Variants in PPP1R21 observed in about 807,000 individuals in gnomAD.
PPP1R21 encodes the protein protein phosphatase 1 regulatory subunit 21.
A neutral mutation model predicts 112.8 loss-of-function variants in PPP1R21; 85 were observed. That is an observed-to-expected ratio of 0.75 (90% CI 0.63 to 0.90). PPP1R21 has a LOEUF of 0.90. PPP1R21 is among the 40% of genes least tolerant of loss of function. The pLI, the probability that PPP1R21 is intolerant of heterozygous loss-of-function variation, is 0.00. For missense variants in PPP1R21, 1,199 were observed against 901.5 expected (o/e 1.33, Z -4.23); for synonymous variants, 381 against 322.3 (o/e 1.18, Z -1.95).
intron 21 of PPP1R21, among the ~76,000 whole-genome samples, chr2:48,513,655 C>T (rs972521588): frequency 6.6e-6 from 1 of 152,178 alleles, no homozygotes; most frequent in African/African-American, 2.4e-5. Context: ...TAGTAATTTA[C>T]ATTGCTATAG....
chr2:48,471,214 T>A, intron 10 of PPP1R21, 26 bp downstream of exon 10: 2 of 1,606,068 alleles, frequency 1.2e-6, no homozygotes, highest in Non-Finnish European at 1.7e-6. Flanking sequence ...GTTTTACTTC[T>A]GGAAACTGGG....
chr2:48,487,008 G>C, intron 14 of PPP1R21, among the ~76,000 whole-genome samples: 1 of 152,144 alleles, frequency 6.6e-6, no homozygotes, highest in Middle Eastern at 3.2e-3. Context: ...TGGGTGGCGG[G>C]GACTATGGGC....
chr2:48,489,246 A>T (rs560643597), intron 14 of PPP1R21, among the ~76,000 whole-genome samples: 2 of 152,206 alleles, frequency 1.3e-5, no homozygotes, highest in South Asian at 2.1e-4. Flanking sequence ...TCAGCATTTC[A>T]TATAGCACTG....
At chr2:48,496,571 G>A (rs1424691433) in intron 16 of PPP1R21, among the ~76,000 whole-genome samples, 2 of 151,710 alleles carry the variant, frequency 1.3e-5, no homozygotes, top group Non-Finnish European at 2.9e-5. Flanking sequence ...GGGTTCAAGC[G>A]ATTGTCCTGC....
At chr2:48,456,482 T>G (rs1667730616) in intron 3 of PPP1R21, among the ~76,000 whole-genome samples, 1 of 152,200 alleles carries the variant, frequency 6.6e-6, no homozygotes, top group Non-Finnish European at 1.5e-5. Flanking sequence ...ATCTGTGACT[T>G]TCGGCACAAT....
At chr2:48,449,183 T>C (rs549964873) in intron 1 of PPP1R21, among the ~76,000 whole-genome samples, 2 of 152,200 alleles carry the variant, frequency 1.3e-5, no homozygotes, top group Non-Finnish European at 2.9e-5. Flanking sequence ...ATGCAAACTA[T>C]AATAAACATA....
chr2:48,454,721 C>G lies in PPP1R21; in HGVS notation c.253C>G (p.Pro85Ala). 6.2e-7 allele frequency: 1 copy of G among 1,613,924 alleles called. No individual in the cohort carries two copies. The highest frequency in any genetic ancestry group is 1.1e-5 in the South Asian group (1 of 91,066). The part of the protein sequence containing the change: ...LLQDELALSE[P>A]RGKKNKKSGE... ...TCAAGATGAACTAGCTCTAAGTGAA[C>G]CACGAGGCAAGAAAAACAAGGTAGG... is the stretch of plus-strand genomic sequence containing the variant. The change falls in exon 3 of 22, where the codon CCA becomes GCA. Residue 85 changes from proline (P) to alanine (A), a missense_variant. Transcript: ENST00000294952.
At chr2:48,497,680 CTT>C (rs1241429587) in intron 16 of PPP1R21, among the ~76,000 whole-genome samples, 1 of 140,450 alleles carries the variant, frequency 7.1e-6, no homozygotes, top group Non-Finnish European at 1.5e-5. Context: ...GAGACGGAGT[CTT>C]ACTCTGTCGC....
chr2:48,458,234 A>C lies in PPP1R21; in HGVS notation c.375+7A>C. The C allele has an allele frequency of 6.3e-7, 1 of 1,590,362 alleles. No homozygotes were observed. Among genetic ancestry groups the C allele is most frequent in the Admixed American group, 1.7e-5 (1 of 59,720 alleles). On this transcript the variant is annotated splice_region_variant and intron_variant, in intron 4 of 21. Transcript: ENST00000294952. ...TGAACGGTTGCATATACAAGTGAGA[A>C]AATCTGTTTTTCTATGTGAATTAAA...
Position 48,465,505 on chromosome 2 carries a change from G to A in PPP1R21, c.760G>A (p.Asp254Asn), listed in dbSNP as rs142819352. ...TTTCATTTTAAAGCTGAAGATGCGAGATATTGCTGGGCAGGCCCTGGCTTT... is the reference window on the plus strand; with the variant it reads ...TTTCATTTTAAAGCTGAAGATGCGAAATATTGCTGGGCAGGCCCTGGCTTT... ...HNRRHQLKMR[D>N]IAGQALAFVQ... Residue 254 changes from aspartate (D) to asparagine (N), a missense_variant, in exon 9 of 22, where the codon GAT (aspartate) becomes AAT (asparagine). Physicochemically the swap from Asp to Asn is conservative, Grantham distance 23. Transcript: ENST00000294952. The A allele has an allele frequency of 2.4e-5, 38 of 1,609,812 alleles. No individual in the cohort carries two copies. In the Middle Eastern group the frequency reaches 5.0e-4, roughly 21 times the overall value.
intron 7 of PPP1R21, among the ~76,000 whole-genome samples, chr2:48,464,433 C>A (rs1463030379): frequency 6.6e-6 from 1 of 151,882 alleles, no homozygotes; most frequent in African/African-American, 2.4e-5. Context: ...TAGTAACAGA[C>A]CAGGGTAGAG....
chr2:48,495,259 A>G (rs1669779206), intron 15 of PPP1R21, among the ~76,000 whole-genome samples: 1 of 151,890 alleles, frequency 6.6e-6, no homozygotes. Context: ...GCTAGAGTGC[A>G]ATGGCACAAT....
At chr2:48,461,013 A>G (rs1572842349) in intron 6 of PPP1R21, 125 bp from the exon 7 acceptor site, 5 of 1,423,050 alleles carry the variant, frequency 3.5e-6, no homozygotes, top group Non-Finnish European at 3.7e-6. Flanking sequence ...CTCTCTGCCA[A>G]GAGTATCCCA....
chr2:48,493,261 TA>T (rs757950283), intron 15 of PPP1R21, among the ~76,000 whole-genome samples: 9 of 152,188 alleles, frequency 5.9e-5, no homozygotes, highest in Non-Finnish European at 1.2e-4. Flanking sequence ...TGCCTCGGCC[TA>T]CCAAAGTGCT....
chr2:48,501,283 C>G (rs1670099740), intron 17 of PPP1R21, among the ~76,000 whole-genome samples: 1 of 152,184 alleles, frequency 6.6e-6, no homozygotes, highest in Admixed American at 6.5e-5. Flanking sequence ...TCAGACTGTT[C>G]ATTATGTCTG....
At chr2:48,503,729 T>C (rs907315224) in intron 17 of PPP1R21, among the ~76,000 whole-genome samples, 13 of 151,634 alleles carry the variant, frequency 8.6e-5, no homozygotes, top group Admixed American at 7.2e-4. Context: ...GGGTGGATCA[T>C]GAGGTCAAGA....
At chr2:48,486,830 A>T in intron 14 of PPP1R21, 72 bp downstream of exon 14, 1 of 1,507,370 alleles carries the variant, frequency 6.6e-7, no homozygotes, top group Non-Finnish European at 9.0e-7. Flanking sequence ...GACATAGGAA[A>T]ATGGATCTGT....
chr2:48,444,532 T>G (rs1417171544), intron 1 of PPP1R21, among the ~76,000 whole-genome samples: 1 of 152,242 alleles, frequency 6.6e-6, no homozygotes, highest in Non-Finnish European at 1.5e-5. Context: ...TAGCCTGCTT[T>G]CTTTGCGGGA....
intron 16 of PPP1R21, among the ~76,000 whole-genome samples, chr2:48,496,517 G>A (rs2103627086): frequency 6.6e-6 from 1 of 151,272 alleles, no homozygotes; most frequent in South Asian, 2.1e-4. Context: ...ACCTAGGCTG[G>A]AGTGCAGTGT....
Sources: gnomAD v4.1 joint callset for allele counts (sites outside exome capture counted in the v4.1 genomes callset) on GRCh38, gnomAD v4.1.1 for gene constraint, MANE v1.5 for transcripts, NCBI Gene and HGNC (gene_info 2026-07-23, HGNC 2026-07-21) for gene names.